TRAPPC9: variants seen among roughly 807,000 people sequenced by gnomAD.
TRAPPC9 encodes IKK2 binding protein.
In TRAPPC9, 83 loss-of-function variants were observed where a neutral mutation model predicts 124.0. The ratio of observed to expected loss-of-function variants is 0.67; its 90% confidence interval spans 0.56 to 0.80. The LOEUF (loss-of-function observed/expected upper bound fraction) is 0.80. TRAPPC9 is among the 30% of genes least tolerant of loss of function. The pLI, the probability that TRAPPC9 is intolerant of heterozygous loss-of-function variation, is 0.00. For synonymous variants in TRAPPC9, 638 were observed against 617.5 expected (o/e 1.03, Z -0.49); for missense variants, 1,302 against 1,508.3 (o/e 0.86, Z 2.27).
At chr8:140,331,535 T>C (rs538365060) in intron 9 of TRAPPC9, among the ~76,000 whole-genome samples, 2 of 152,178 alleles carry the variant, frequency 1.3e-5, no homozygotes, top group East Asian at 3.9e-4. Flanking sequence ...AACAACAATC[T>C]GCAGAATGAG....
intron 21 of TRAPPC9, among the ~76,000 whole-genome samples, chr8:139,875,906 G>C (rs939166077): frequency 1.3e-5 from 2 of 152,218 alleles, no homozygotes; most frequent in African/African-American, 4.8e-5. Flanking sequence ...CTGTTGCTAA[G>C]CTACCTGGGA....
At chr8:140,363,518 T>C (rs1053438949) in intron 8 of TRAPPC9, among the ~76,000 whole-genome samples, 1 of 152,216 alleles carries the variant, frequency 6.6e-6, no homozygotes. Flanking sequence ...CTGACATTTA[T>C]CATTTTTAAT....
intron 21 of TRAPPC9, among the ~76,000 whole-genome samples, chr8:139,783,514 C>T (rs933824266): frequency 6.6e-6 from 1 of 152,150 alleles, no homozygotes; most frequent in Non-Finnish European, 1.5e-5. Flanking sequence ...AATATACCTA[C>T]AAAAGAAGTT....
intron 17 of TRAPPC9, among the ~76,000 whole-genome samples, chr8:140,079,545 C>T (rs924063523): frequency 6.6e-6 from 1 of 152,142 alleles, no homozygotes; most frequent in Non-Finnish European, 1.5e-5. Flanking sequence ...ATTACAAGTG[C>T]TCTCCCTACA....
intron 21 of TRAPPC9, among the ~76,000 whole-genome samples, chr8:139,749,718 G>A (rs899684365): frequency 6.6e-6 from 1 of 152,182 alleles, no homozygotes; most frequent in African/African-American, 2.4e-5. Context: ...AAGGACATGA[G>A]GTGCAAAAGG....
chr8:139,950,289 T>G (rs1048322755), intron 19 of TRAPPC9, among the ~76,000 whole-genome samples: 1 of 152,254 alleles, frequency 6.6e-6, no homozygotes, highest in Non-Finnish European at 1.5e-5. Context: ...TACTTTTTAC[T>G]TGGCAAACCG....
At chr8:139,894,568 G>C (rs181128649) in intron 20 of TRAPPC9, among the ~76,000 whole-genome samples, 7 of 152,256 alleles carry the variant, frequency 4.6e-5, no homozygotes, top group South Asian at 4.2e-4. Context: ...GGGAGGGGGG[G>C]GCTGCTGCTT....
At chr8:140,398,855 T>C (rs1588282925) in intron 6 of TRAPPC9, among the ~76,000 whole-genome samples, 2 of 152,218 alleles carry the variant, frequency 1.3e-5, no homozygotes, top group South Asian at 2.1e-4. Context: ...ATGGGGAAAA[T>C]GTCAGAGGTC....
intron 19 of TRAPPC9, among the ~76,000 whole-genome samples, chr8:139,915,836 C>G (rs1001915576): frequency 1.1e-4 from 16 of 152,212 alleles, no homozygotes; most frequent in African/African-American, 3.6e-4. Context: ...GCGTCTCTTC[C>G]ACACAAGCCT....
chr8:140,443,231 C>A (rs186596178), intron 2 of TRAPPC9, among the ~76,000 whole-genome samples: 82 of 136,568 alleles, frequency 6.0e-4, no homozygotes, highest in East Asian at 1.6e-3. Flanking sequence ...GTCAGGAGAT[C>A]GAGACCATCC....
chr8:140,401,980 G>A (rs1039361149), intron 6 of TRAPPC9, among the ~76,000 whole-genome samples: 3 of 149,524 alleles, frequency 2.0e-5, no homozygotes, highest in African/African-American at 7.4e-5. Context: ...TTCATGGCCA[G>A]TATGATTAAT....
chr8:139,934,205 C>A (rs1833372382), intron 19 of TRAPPC9, among the ~76,000 whole-genome samples: 2 of 151,914 alleles, frequency 1.3e-5, no homozygotes, highest in African/African-American at 4.8e-5. Flanking sequence ...TGGTTGAATC[C>A]CTGACTTCAA....
At chr8:139,840,940 C>T (rs762946572) in intron 21 of TRAPPC9, among the ~76,000 whole-genome samples, 6 of 152,126 alleles carry the variant, frequency 3.9e-5, no homozygotes, top group African/African-American at 9.7e-5. Context: ...TCTGATGCCT[C>T]GGGTCTGGGA....
rs542167651 is a variant in TRAPPC9, at chr8:140,395,201, G to A, written c.1134+2419C>T. ...GGTGGTGCTGTTTCCCTCATACTACGTGGCCTACAGCTTTGAGGGACTGTG... is the reference window on the plus strand; with the variant it reads ...GGTGGTGCTGTTTCCCTCATACTACATGGCCTACAGCTTTGAGGGACTGTG... On this transcript the variant is annotated intron_variant, in intron 7 of 22. Transcript: ENST00000438773. Among the ~76,000 whole-genome samples, 39 of 152,244 alleles carry A rather than the reference G, an allele frequency of 2.6e-4. 1 individual carries two copies. In the East Asian group the frequency reaches 3.7e-3, roughly 14 times the overall value.
rs185864839 is a variant in TRAPPC9 at position 140,418,573 on chromosome 8, T to C, written c.886+8042A>G. Among the ~76,000 whole-genome samples the C allele has an allele frequency of 9.9e-5, 15 of 152,140 alleles. No homozygotes were observed. The East Asian group carries it at 2.7e-3, about 27-fold the overall frequency. ...CTGTCTCTACTAAAAATACAAAAATTAGCTGGGAGCAGTGGCACATGCCTG... is the reference window on the plus strand; with the variant it reads ...CTGTCTCTACTAAAAATACAAAAATCAGCTGGGAGCAGTGGCACATGCCTG... On this transcript the variant is annotated intron_variant, in intron 5 of 22. Transcript: ENST00000438773.
intron 17 of TRAPPC9, among the ~76,000 whole-genome samples, chr8:140,173,877 G>A (rs972539335): frequency 1.3e-5 from 2 of 152,194 alleles, no homozygotes; most frequent in South Asian, 2.1e-4. Flanking sequence ...TCACTAGTAC[G>A]TGAAACTGGG....
At position 140,270,314 on chromosome 8, in the gene TRAPPC9, C is replaced by CGCA. The variant is rs1375502673; in HGVS notation, c.2278+5341_2278+5343dup. ...CAGAGCCGTGCCGCACATTCAAAATCGCACAGTGGTTCCCACACGCTTGTC... is the reference window on the plus strand; with the variant it reads ...CAGAGCCGTGCCGCACATTCAAAATCGCAGCACAGTGGTTCCCACACGCTTGTC... On this transcript the variant is annotated intron_variant, in intron 15 of 22. Transcript: ENST00000438773. Among the ~76,000 whole-genome samples the CGCA allele has an allele frequency of 2.6e-5, 4 of 152,044 alleles. No individual in the cohort carries two copies. The East Asian group carries it at 7.8e-4, about 30-fold the overall frequency.
At chr8:140,426,875 C>T (rs1485888245) in intron 4 of TRAPPC9, among the ~76,000 whole-genome samples, 1 of 151,854 alleles carries the variant, frequency 6.6e-6, no homozygotes, top group Non-Finnish European at 1.5e-5. Context: ...TTGTTAAGTG[C>T]CTCCTCACCT....
At chr8:140,194,254 C>T (rs563536706) in intron 17 of TRAPPC9, among the ~76,000 whole-genome samples, 1 of 152,142 alleles carries the variant, frequency 6.6e-6, no homozygotes, top group East Asian at 1.9e-4. Flanking sequence ...CTCCCCAGCC[C>T]GCACCCCTTC....
Sources: allele counts gnomAD v4.1 joint callset (sites outside exome capture counted in the v4.1 genomes callset), GRCh38; gene constraint gnomAD v4.1.1; transcripts MANE v1.5; gene names NCBI Gene and HGNC (gene_info 2026-07-23, HGNC 2026-07-21).